PDXDC1: variants seen among roughly 807,000 people sequenced by gnomAD.
The protein encoded by PDXDC1 is pyridoxal dependent decarboxylase domain containing 1, also known as pyridoxal-dependent decarboxylase domain-containing protein 1.
Under a neutral mutation model 100.1 loss-of-function variants are expected in PDXDC1, and 42 were observed. The observed-to-expected ratio is 0.42, with a 90% CI of 0.33 to 0.54. The LOEUF is 0.54. Among genes scored for constraint, PDXDC1 ranks in the 20% least tolerant of loss-of-function variants. The pLI is 0.10. For missense variants in PDXDC1, 636 were observed against 979.2 expected (o/e 0.65, Z 4.68); for synonymous variants, 260 against 371.7 (o/e 0.70, Z 3.46).
downstream of PDXDC1, among the ~76,000 whole-genome samples, chr16:15,041,340 C>A (rs1399364345): frequency 1.3e-5 from 2 of 152,082 alleles, no homozygotes; most frequent in Non-Finnish European, 1.5e-5. Flanking sequence ...CCACTCCCAC[C>A]CCACCTTCTC....
chr16:15,017,838 C>G (rs1473027492), intron 11 of PDXDC1, among the ~76,000 whole-genome samples: 1 of 151,588 alleles, frequency 6.6e-6, no homozygotes, highest in Non-Finnish European at 1.5e-5. Context: ...GTCACCCAGG[C>G]TGGAGTGCAA....
At chr16:15,038,777 C>G (rs2043668418), downstream of PDXDC1, 1 of 691,404 alleles carries the variant, frequency 1.4e-6, no homozygotes, top group Non-Finnish European at 2.5e-6. Flanking sequence ...GTAGTCCTTT[C>G]ATGCATTTAT....
chr16:15,121,011 T>A, intron 16 of PDXDC1, among the ~76,000 whole-genome samples: 8 of 88,496 alleles, frequency 9.0e-5, no homozygotes, highest in Admixed American at 1.1e-4. Flanking sequence ...ATCATGAAAA[T>A]GGCATGAATA....
chr16:15,084,163 A>G (rs2045820285), intron 16 of PDXDC1, among the ~76,000 whole-genome samples: 1 of 152,192 alleles, frequency 6.6e-6, no homozygotes, highest in African/African-American at 2.4e-5. Context: ...GACATTTCCC[A>G]CTACACATGT....
chr16:15,088,141 A>T (rs929121173), intron 16 of PDXDC1, among the ~76,000 whole-genome samples: 3 of 152,008 alleles, frequency 2.0e-5, no homozygotes, highest in African/African-American at 7.2e-5. Context: ...AAAGTAAATC[A>T]GTTGCAGACT....
chr16:15,034,459 G>A lies in PDXDC1; in HGVS notation c.1908G>A (p.Gly636=), dbSNP rs750217403. ...TGAACTCTGGTCCTGTCTTGCAGGGGGTGTTGCGGCAGATCCCTGTAGTGG... is the reference window on the plus strand; with the variant it reads ...TGAACTCTGGTCCTGTCTTGCAGGGAGTGTTGCGGCAGATCCCTGTAGTGG... ...KASEERLLEE[G]VLRQIPVVGS... Residue 636 remains glycine (G), a splice_region_variant and synonymous_variant, in exon 21 of 23, where the codon GGG becomes GGA. Transcript: ENST00000396410. 3.1e-6 allele frequency: 5 copies of A among 1,613,998 alleles called. No homozygotes were observed. The highest frequency in any genetic ancestry group is 2.2e-5 in the South Asian group (2 of 91,080).
Position 15,036,070 on chromosome 16 carries a change from G to C in PDXDC1, c.2162G>C (p.Ser721Thr). Residue 721 changes from serine (S) to threonine (T), a missense_variant, in exon 23 of 23, where the codon AGC (serine) becomes ACC (threonine). Coordinates refer to ENST00000396410, the MANE Select transcript of PDXDC1 (RefSeq NM_015027.4). ...GGTTCAGATGCTTTGAGTGAGACCA[G>C]CTCAGTCAGTCACATTGAAGACTTA... The part of the protein sequence containing the change: ...LRGSDALSET[S>T]SVSHIEDLEK... 6.2e-7 allele frequency: 1 copy of C among 1,614,074 alleles called. No individual in the cohort carries two copies. The highest frequency in any genetic ancestry group is 1.7e-5 in the Admixed American group (1 of 60,014).
chr16:15,083,804 C>A, intron 16 of PDXDC1: 3 of 446,146 alleles, frequency 6.7e-6, no homozygotes, highest in Admixed American at 3.9e-5. Flanking sequence ...GCAACCTCCG[C>A]CTCCCAGGTT....
At chr16:15,080,076 T>C in intron 16 of PDXDC1, 1 of 1,600,520 alleles carries the variant, frequency 6.2e-7, no homozygotes, top group Non-Finnish European at 8.5e-7. Flanking sequence ...TAATCCTTAG[T>C]AAGTTATGAA....
chr16:15,036,120 G>A lies in PDXDC1; in HGVS notation c.2212G>A (p.Gly738Arg). 6.2e-7 allele frequency: 1 copy of A among 1,614,128 alleles called. No homozygotes were observed. Among genetic ancestry groups the A allele is most frequent in the Non-Finnish European group, 8.5e-7 (1 of 1,180,026 alleles). The change falls in exon 23 of 23, where the codon GGG (glycine) becomes AGG (arginine). Residue 738 changes from glycine to arginine, a missense_variant. Transcript: ENST00000396410. ...AGAAAAGGTGGAGCGCCTATCCAGT[G>A]GGCCGGAGCAGATCACCCTCGAGGC... ...DLEKVERLSSGPEQITLEASS... is the reference protein window; with the variant it reads ...DLEKVERLSSRPEQITLEASS...
chr16:15,054,088 C>T (rs373695800), intron 16 of PDXDC1, among the ~76,000 whole-genome samples: 2 of 152,232 alleles, frequency 1.3e-5, no homozygotes, highest in African/African-American at 4.8e-5. Context: ...TCCGGAGAAA[C>T]TGGCCAGGAC....
At chr16:15,071,726 C>T (rs1412653216) in intron 16 of PDXDC1, among the ~76,000 whole-genome samples, 1 of 152,170 alleles carries the variant, frequency 6.6e-6, no homozygotes, top group Non-Finnish European at 1.5e-5. Context: ...TGAGATCATG[C>T]CACTACACTC....
At chr16:15,014,279 C>T (rs1423604155) in intron 8 of PDXDC1, among the ~76,000 whole-genome samples, 1 of 152,130 alleles carries the variant, frequency 6.6e-6, no homozygotes, top group Non-Finnish European at 1.5e-5. Context: ...AAAACCATCA[C>T]TTCCTGCCTT....
At chr16:15,128,413 G>T (rs1285836218) in intron 16 of PDXDC1, 1 of 1,410,442 alleles carries the variant, frequency 7.1e-7, no homozygotes, top group African/African-American at 1.4e-5. Context: ...GGGAGGGGTG[G>T]GAGGCTCGGT....
intron 16 of PDXDC1, chr16:15,108,259 C>T: frequency 1.1e-6 from 1 of 904,976 alleles, no homozygotes; most frequent in Non-Finnish European, 1.3e-6. Flanking sequence ...GGTCCTGATC[C>T]TAAGGATCTC....
At chr16:15,053,707 T>A (rs1209050158) in intron 16 of PDXDC1, among the ~76,000 whole-genome samples, 1 of 151,944 alleles carries the variant, frequency 6.6e-6, no homozygotes, top group African/African-American at 2.4e-5. Flanking sequence ...GGTCAGGAGT[T>A]CAAGAACAGC....
At chr16:15,013,990 T>C (rs1257928139) in intron 8 of PDXDC1, among the ~76,000 whole-genome samples, 1 of 151,992 alleles carries the variant, frequency 6.6e-6, no homozygotes, top group Non-Finnish European at 1.5e-5. Context: ...GAAGATCACC[T>C]GAGGTCAGGA....
rs1266795128 is a variant in PDXDC1 at position 15,127,427 on chromosome 16, A to C, written c.1400-11452A>C. On this transcript the variant is annotated intron_variant, in intron 16 of 16. Transcript: ENST00000535621. ...GGCTCTGGGCATGGTGCCGAGGCCC[A>C]GGCTCCATTCCCAGTACTCCCCGGT... The C allele has an allele frequency of 2.7e-6, 4 of 1,490,332 alleles. No individual in the cohort carries two copies. In the East Asian group the frequency reaches 9.8e-5, roughly 36 times the overall value. The allele number at this position is 1,490,332 out of a possible 1,614,324, so 92.3% of individuals were successfully genotyped here. A position where few individuals can be genotyped will look rare whatever the true frequency, so the allele number is the denominator to read the frequency against.
chr16:15,130,523 C>T, intron 16 of PDXDC1: 2 of 1,323,064 alleles, frequency 1.5e-6, no homozygotes, highest in East Asian at 2.3e-5. Context: ...TCCCAGAGCC[C>T]ATACCCGGTC....
Sources: allele counts gnomAD v4.1 joint callset (sites outside exome capture counted in the v4.1 genomes callset), GRCh38; gene constraint gnomAD v4.1.1; transcripts MANE v1.5; gene names NCBI Gene and HGNC (gene_info 2026-07-23, HGNC 2026-07-21).